G2E3: variants seen among roughly 807,000 people sequenced by gnomAD.
The protein encoded by G2E3 is G2/M-phase specific E3 ubiquitin protein ligase, also known as G2/M phase-specific E3 ubiquitin-protein ligase.
G2E3 carries 35 observed loss-of-function variants against 92.8 expected under a neutral mutation model. That is an observed-to-expected ratio of 0.38 (90% CI 0.29 to 0.50). G2E3 has a LOEUF of 0.50. Among genes scored for constraint, G2E3 ranks in the 20% least tolerant of loss-of-function variants. The probability of loss-of-function intolerance (pLI) is 0.94; values close to 1 mark genes in which losing one functional copy is unlikely to be tolerated. For synonymous variants in G2E3, 242 were observed against 272.4 expected (o/e 0.89, Z 1.10); for missense variants, 554 against 823.8 (o/e 0.67, Z 4.01).
intron 4 of G2E3, among the ~76,000 whole-genome samples, chr14:30,589,830 A>T (rs1880906514): frequency 6.6e-6 from 1 of 151,968 alleles, no homozygotes; most frequent in Non-Finnish European, 1.5e-5. Context: ...TAAACCTTTG[A>T]TCCTGAGTCA....
At position 30,616,502 on chromosome 14, in the gene G2E3, A is replaced by G. The variant is rs1882321672; in HGVS notation, c.2089A>G (p.Lys697Glu). The change falls in exon 15 of 15, where the codon AAG becomes GAG. Residue 697 changes from lysine to glutamate, a missense_variant. This residue lies in a region of G2E3 where 397 missense variants were observed against 560.3 expected (regional missense o/e 0.71). Transcript: ENST00000206595. ...FTIRNTLRLE[K>E]EESSHYIGH ...CATAAGAAACACTCTAAGACTAGAA[A>G]AGGAAGAAAGTTCTCATTACATTGG... The G allele has an allele frequency of 1.2e-6, 2 of 1,601,934 alleles. No homozygotes were observed. The highest frequency in any genetic ancestry group is 1.7e-5 in the Admixed American group (1 of 58,116).
At chr14:30,563,865 C>T (rs866042042) in intron 1 of G2E3, among the ~76,000 whole-genome samples, 2 of 151,932 alleles carry the variant, frequency 1.3e-5, no homozygotes, top group Admixed American at 6.6e-5. Context: ...ATTACAGGCA[C>T]CTGCCACCAC....
chr14:30,561,740 A>G (rs17348231), intron 1 of G2E3, among the ~76,000 whole-genome samples: 2,949 of 152,344 alleles, frequency 0.019, 53 homozygotes, highest in Middle Eastern at 0.034. Context: ...TGCACAGTGC[A>G]GAACAGTGAG....
intron 14 of G2E3, 77 bp downstream of exon 14, chr14:30,615,616 G>A (rs972756647): frequency 1.1e-6 from 1 of 923,418 alleles, no homozygotes; most frequent in Non-Finnish European, 1.6e-6. Context: ...TTTTATTTGT[G>A]TATGTTTTGC....
intron 2 of G2E3, 62 bp from the exon 3 acceptor site, chr14:30,586,656 C>T (rs984202363): frequency 2.1e-5 from 12 of 572,108 alleles, no homozygotes; most frequent in Non-Finnish European, 3.0e-5. Context: ...AGCACCAATT[C>T]CATAGGGTTT....
chr14:30,609,635 G>A (rs929778224), intron 12 of G2E3, among the ~76,000 whole-genome samples: 17 of 152,094 alleles, frequency 1.1e-4, no homozygotes, highest in South Asian at 6.2e-4. Context: ...TTGAGCCCCC[G>A]GACTTTTATA....
chr14:30,610,210 A>C (rs1946172664), intron 12 of G2E3, among the ~76,000 whole-genome samples: 1 of 152,224 alleles, frequency 6.6e-6, no homozygotes. Flanking sequence ...CTAAAGATAG[A>C]GTAGTGAAGC....
At chr14:30,562,233 A>C (rs2138751134) in intron 1 of G2E3, among the ~76,000 whole-genome samples, 1 of 152,314 alleles carries the variant, frequency 6.6e-6, no homozygotes, top group South Asian at 2.1e-4. Flanking sequence ...TTCCAGTATA[A>C]TAAAATAATA....
rs116288283 is a variant in G2E3 at position 30,590,390 on chromosome 14, G to A, written c.237+906G>A. ...ACTAGGAAGTTAGCAGATAACAGAA[G>A]GGTAAATGTCATTAGGCTCAAAGGT... is the stretch of plus-strand genomic sequence containing the variant. On this transcript the variant is annotated intron_variant, in intron 4 of 14. Coordinates refer to ENST00000206595, the MANE Select transcript of G2E3 (RefSeq NM_017769.5). 5.5e-3 allele frequency: 1,265 copies of A among 230,748 alleles called. 18 individuals carry two copies. Among genetic ancestry groups the A allele is most frequent in the African/African-American group, 0.026 (1,102 of 43,200 alleles). The allele number at this position is 230,748 out of a possible 1,614,324, so 14.3% of individuals were successfully genotyped here.
intron 10 of G2E3, among the ~76,000 whole-genome samples, chr14:30,603,229 G>A (rs966184693): frequency 2.6e-5 from 4 of 151,814 alleles, no homozygotes; most frequent in African/African-American, 4.8e-5. Context: ...GGGAGGCTGA[G>A]GCAGGAGAAT....
intron 12 of G2E3, among the ~76,000 whole-genome samples, chr14:30,609,634 C>T (rs879894097): frequency 1.3e-5 from 2 of 152,138 alleles, no homozygotes; most frequent in South Asian, 2.1e-4. Context: ...TTTGAGCCCC[C>T]GGACTTTTAT....
chr14:30,567,389 T>TTA (rs1254988688), intron 1 of G2E3, among the ~76,000 whole-genome samples: 2 of 152,184 alleles, frequency 1.3e-5, no homozygotes, highest in Non-Finnish European at 2.9e-5. Flanking sequence ...TCACTTTTGT[T>TTA]ATTTGTTTAA....
At chr14:30,602,259 G>C (rs1369172681) in intron 10 of G2E3, 128 bp downstream of exon 10, 1 of 669,040 alleles carries the variant, frequency 1.5e-6, no homozygotes, top group Non-Finnish European at 2.5e-6. Context: ...CAGCCTTCAG[G>C]ACCCAACATT....
chr14:30,609,246 A>G (rs1321654229), intron 12 of G2E3, among the ~76,000 whole-genome samples: 1 of 152,184 alleles, frequency 6.6e-6, no homozygotes, highest in South Asian at 2.1e-4. Flanking sequence ...CTAAAAAAAA[A>G]GTATATTTAA....
intron 6 of G2E3, among the ~76,000 whole-genome samples, chr14:30,595,156 A>C (rs766132685): frequency 2.0e-5 from 3 of 152,078 alleles, no homozygotes; most frequent in Non-Finnish European, 4.4e-5. Context: ...ATGCAGGATG[A>C]AGCCTGTTTT....
intron 12 of G2E3, among the ~76,000 whole-genome samples, chr14:30,609,002 GAAGTC>G (rs908050839): frequency 1.3e-5 from 2 of 152,282 alleles, no homozygotes; most frequent in African/African-American, 4.8e-5. Flanking sequence ...CACAGGCTTG[GAAGTC>G]AGATTTTACT....
chr14:30,611,231 T>C (rs1232710160), intron 12 of G2E3: 1 of 152,224 alleles, frequency 6.6e-6, no homozygotes, highest in African/African-American at 2.4e-5. Flanking sequence ...TGTGCCCAGC[T>C]GAAACTCAGG....
chr14:30,618,520 G>A lies in G2E3; in HGVS notation c.*1986G>A, dbSNP rs896301732. 13 of 152,086 alleles carry A rather than the reference G, an allele frequency of 8.5e-5. No homozygotes were observed. Among genetic ancestry groups the A allele is most frequent in the African/African-American group, 3.1e-4 (13 of 41,436 alleles). The allele number at this position is 152,086 out of a possible 1,614,324, so 9.4% of individuals were successfully genotyped here. A position where few individuals can be genotyped will look rare whatever the true frequency, so the allele number is the denominator to read the frequency against. On this transcript the variant is annotated 3_prime_UTR_variant, in exon 15 of 15. Transcript: ENST00000206595. ...ACACACATACTTTGTTGGGGTGGGG[G>A]TGGCAGGTGGAGAGGCAGTGTACTT...
intron 1 of G2E3, among the ~76,000 whole-genome samples, chr14:30,563,695 T>TG (rs1879256925): frequency 1.4e-4 from 20 of 141,184 alleles, no homozygotes; most frequent in African/African-American, 4.1e-4. Context: ...TTTGTTACTT[T>TG]TGTGTGTGTG....
Sources: allele counts gnomAD v4.1 joint callset (sites outside exome capture counted in the v4.1 genomes callset), GRCh38; gene constraint gnomAD v4.1.1; regional missense constraint gnomAD v4.1.1; transcripts MANE v1.5; gene names NCBI Gene and HGNC (gene_info 2026-07-23, HGNC 2026-07-21).